Variants in TMEM132C observed in about 807,000 individuals in gnomAD.
TMEM132C encodes protein phosphatase 1, regulatory subunit 152.
In TMEM132C, 29 loss-of-function variants were observed where a neutral mutation model predicts 61.4. The ratio of observed to expected loss-of-function variants is 0.47; its 90% CI spans 0.35 to 0.64. The LOEUF (loss-of-function observed/expected upper bound fraction) is 0.64. Among genes scored for constraint, TMEM132C ranks in the 30% least tolerant of loss-of-function variants. TMEM132C has a pLI of 0.00. For synonymous variants in TMEM132C, 656 were observed against 633.1 expected, an observed-to-expected ratio of 1.04 and a Z score of -0.54; for missense variants, 1,408 against 1,476.9, an observed-to-expected ratio of 0.95 and a Z score of 0.76.
intron 3 of TMEM132C, among the ~76,000 whole-genome samples, chr12:128,544,328 G>A (rs2136149127): frequency 6.6e-6 from 1 of 152,390 alleles, no homozygotes; most frequent in Non-Finnish European, 1.5e-5. Flanking sequence ...CAGCTTTGGA[G>A]CCGGGTGAGC....
chr12:128,641,641 A>G lies in TMEM132C; in HGVS notation c.1305+25306A>G, dbSNP rs1954158477. 5.3e-5 allele frequency among the ~76,000 whole-genome samples: 8 copies of G among 152,176 alleles called. No individual in the cohort carries two copies. In the South Asian group the frequency reaches 1.5e-3, roughly 28 times the overall value. Reference sequence around the variant, plus strand: ...AAACCTCCCCGGGGTCTTCAGAGTGAGCGTGACCCCACCAACACCTTGATC... The same window carrying G: ...AAACCTCCCCGGGGTCTTCAGAGTGGGCGTGACCCCACCAACACCTTGATC... On this transcript the variant is annotated intron_variant, in intron 4 of 8. Transcript: ENST00000435159.
intron 2 of TMEM132C, among the ~76,000 whole-genome samples, chr12:128,490,488 A>C (rs1266694904): frequency 6.6e-6 from 1 of 152,084 alleles, no homozygotes; most frequent in Non-Finnish European, 1.5e-5. Flanking sequence ...CTGGCACCTC[A>C]CTGAATTCAG....
rs529903062 is a variant in TMEM132C, at chr12:128,444,440, C to T, written c.974+28820C>T. Among the ~76,000 whole-genome samples the T allele has an allele frequency of 2.6e-5, 4 of 152,182 alleles. No individual in the cohort carries two copies. In the South Asian group the frequency reaches 8.3e-4, roughly 32 times the overall value. Reference sequence around the variant, plus strand: ...GTCTGCGTCCAGAGGGGTGCTGTGACCACATGGGGAACTTTTTGTAAAGAT... The same window carrying T: ...GTCTGCGTCCAGAGGGGTGCTGTGATCACATGGGGAACTTTTTGTAAAGAT... On this transcript the variant is annotated intron_variant, in intron 2 of 8. Transcript: ENST00000435159.
At chr12:128,702,081 G>A (rs1954808100) in intron 8 of TMEM132C, among the ~76,000 whole-genome samples, 2 of 151,782 alleles carry the variant, frequency 1.3e-5, no homozygotes, top group Non-Finnish European at 2.9e-5. Flanking sequence ...TGTATTTTTT[G>A]TAGAGATGGG....
intron 1 of TMEM132C, among the ~76,000 whole-genome samples, chr12:128,407,613 A>G (rs1401280935): frequency 6.6e-6 from 1 of 152,140 alleles, no homozygotes; most frequent in Non-Finnish European, 1.5e-5. Context: ...GCTCGCCTCC[A>G]CATGGTCTCT....
intron 3 of TMEM132C, among the ~76,000 whole-genome samples, chr12:128,578,012 ATT>A: frequency 6.6e-6 from 1 of 152,234 alleles, no homozygotes; most frequent in South Asian, 2.1e-4. Context: ...AAATTAACTC[ATT>A]TTTTTCTTCT....
chr12:128,676,233 C>T (rs1020625903), intron 5 of TMEM132C, among the ~76,000 whole-genome samples: 1 of 152,124 alleles, frequency 6.6e-6, no homozygotes, highest in Non-Finnish European at 1.5e-5. Context: ...GCACAGAATA[C>T]TCTTGAGAAA....
At chr12:128,581,936 G>A (rs1875350605) in intron 3 of TMEM132C, among the ~76,000 whole-genome samples, 1 of 152,152 alleles carries the variant, frequency 6.6e-6, no homozygotes, top group African/African-American at 2.4e-5. Context: ...CAAACAAGTG[G>A]CTTCAGCTCC....
In TMEM132C at chr12:128,697,241, T is replaced by G. The variant is rs773699280; in HGVS notation, c.1947T>G (p.Ser649=). 1.3e-6 allele frequency: 2 copies of G among 1,527,020 alleles called. No homozygotes were observed. The highest frequency in any genetic ancestry group is 2.4e-5 in the South Asian group (2 of 82,178). The allele number at this position is 1,527,020 out of a possible 1,614,324, so 94.6% of individuals were successfully genotyped here. A position where few individuals can be genotyped will look rare whatever the true frequency, so the allele number is the denominator to read the frequency against. The part of the protein sequence containing the change: ...MTTIQVLSPL[S]DSILAEKTIT... Reference sequence around the variant, plus strand: ...TCCCACAGGTGTTGTCTCCACTGTCTGACTCCATCCTGGCAGAGAAGACAA... The same window carrying G: ...TCCCACAGGTGTTGTCTCCACTGTCGGACTCCATCCTGGCAGAGAAGACAA... The change falls in exon 8 of 9, where the codon TCT becomes TCG. Residue 649 remains serine (S), a synonymous_variant. Transcript: ENST00000435159.
chr12:128,301,535 G>A (rs1051785548), intron 1 of TMEM132C, among the ~76,000 whole-genome samples: 4 of 152,016 alleles, frequency 2.6e-5, no homozygotes, highest in Admixed American at 1.3e-4. Flanking sequence ...CTTCTGCCCT[G>A]GGAACCATGT....
intron 4 of TMEM132C, among the ~76,000 whole-genome samples, chr12:128,642,792 G>A (rs1954167498): frequency 6.6e-6 from 1 of 152,208 alleles, no homozygotes; most frequent in South Asian, 2.1e-4. Context: ...AACTAAAAGA[G>A]AAGCGGAGGC....
At chr12:128,640,894 C>T (rs1329522398) in intron 4 of TMEM132C, among the ~76,000 whole-genome samples, 1 of 152,156 alleles carries the variant, frequency 6.6e-6, no homozygotes, top group Non-Finnish European at 1.5e-5. Flanking sequence ...GTATCACACA[C>T]ACGCACACAC....
rs1592994526 is a variant in TMEM132C at position 128,278,257 on chromosome 12, C to G, written c.85+10770C>G. On this transcript the variant is annotated intron_variant, in intron 1 of 8. Transcript: ENST00000435159. The surrounding 1 kb of genome is among the most constrained non-coding windows in gnomAD (Gnocchi z 4.2). ...CCTGCCTCCTAAATGGCAATAGGTT[C>G]TTATCTTCAATTTTTGTAAACCTTT... 6.6e-6 allele frequency among the ~76,000 whole-genome samples: 1 copy of G among 152,158 alleles called. No homozygotes were observed. Among genetic ancestry groups the G allele is most frequent in the East Asian group, 1.9e-4 (1 of 5,176 alleles).
chr12:128,554,863 C>T (rs963984669), intron 3 of TMEM132C, among the ~76,000 whole-genome samples: 1 of 152,162 alleles, frequency 6.6e-6, no homozygotes, highest in Admixed American at 6.5e-5. Flanking sequence ...TGGTGCCTGG[C>T]GTGGAGTTCT....
At chr12:128,517,814 T>C (rs1383606986) in intron 2 of TMEM132C, among the ~76,000 whole-genome samples, 7 of 152,090 alleles carry the variant, frequency 4.6e-5, no homozygotes, top group Non-Finnish European at 1.0e-4. Flanking sequence ...GCTAGGAGGG[T>C]AGATGAGCCA....
intron 1 of TMEM132C, among the ~76,000 whole-genome samples, chr12:128,388,161 G>A (rs1874645958): frequency 6.6e-6 from 1 of 152,198 alleles, no homozygotes; most frequent in South Asian, 2.1e-4. Context: ...TGGTGTCAGT[G>A]TGGAGAGAGG....
intron 1 of TMEM132C, among the ~76,000 whole-genome samples, chr12:128,315,603 A>G (rs1233193906): frequency 6.6e-6 from 1 of 152,088 alleles, no homozygotes; most frequent in Non-Finnish European, 1.5e-5. Flanking sequence ...GGCAGGACAG[A>G]GAGATGTGTG....
intron 1 of TMEM132C, among the ~76,000 whole-genome samples, chr12:128,299,474 C>G (rs1025388069): frequency 2.0e-5 from 3 of 152,148 alleles, no homozygotes; most frequent in African/African-American, 7.2e-5. Flanking sequence ...CTGAGATGCT[C>G]TTAGAAAGAC....
Position 128,415,257 on chromosome 12 carries a change from G to T in TMEM132C, c.611G>T (p.Trp204Leu). Residue 204 changes from tryptophan (W) to leucine (L), a missense_variant, in exon 2 of 9, where the codon TGG becomes TTG. Coordinates refer to ENST00000435159, the MANE Select transcript of TMEM132C (RefSeq NM_001136103.3). This position sits in a 1 kb window ranked among gnomAD's most constrained non-coding sequence, Gnocchi z 5.8. ...CVAELELLSS[W>L]FSAPTVGAGR... Reference sequence around the variant, plus strand: ...GCTGAGCTGGAGCTCCTGTCCAGCTGGTTCAGTGCCCCGACGGTGGGTGCC... The same window carrying T: ...GCTGAGCTGGAGCTCCTGTCCAGCTTGTTCAGTGCCCCGACGGTGGGTGCC... 1 of 1,605,738 alleles carries T rather than the reference G, an allele frequency of 6.2e-7. No individual in the cohort carries two copies. The highest frequency in any genetic ancestry group is 8.5e-7 in the Non-Finnish European group (1 of 1,176,124).
Sources: allele counts gnomAD v4.1 joint callset (sites outside exome capture counted in the v4.1 genomes callset), GRCh38; gene constraint gnomAD v4.1.1; non-coding constraint Gnocchi (gnomAD v3.1); transcripts MANE v1.5; gene names NCBI Gene and HGNC (gene_info 2026-07-23, HGNC 2026-07-21).